EXOC3L4: variants seen among roughly 807,000 people sequenced by gnomAD.
EXOC3L4 encodes the protein exocyst complex component 3-like protein 4.
In EXOC3L4, 62 loss-of-function variants were observed where a neutral mutation model predicts 69.7. The ratio of observed to expected loss-of-function variants is 0.89; its 90% CI spans 0.72 to 1.10. The LOEUF is 1.10. EXOC3L4 is among the 50% of genes least tolerant of loss of function. The pLI, the probability that EXOC3L4 is intolerant of heterozygous loss-of-function variation, is 0.00. For missense variants in EXOC3L4, 1,087 were observed against 1,034.8 expected, an observed-to-expected ratio of 1.05 and a Z score of -0.69; for synonymous variants, 502 against 464.2, an observed-to-expected ratio of 1.08 and a Z score of -1.05.
In EXOC3L4 at chr14:103,100,631, A is replaced by G; in HGVS notation, c.394+18A>G. On this transcript the variant is annotated intron_variant, in intron 2 of 11. Transcript: ENST00000688303. ...CGAGGCAGGTAAGGGCCTCAGAAACAACACGAAGCATGAAAGGAAACGGGC... is the reference window on the plus strand; with the variant it reads ...CGAGGCAGGTAAGGGCCTCAGAAACGACACGAAGCATGAAAGGAAACGGGC... 6.3e-7 allele frequency: 1 copy of G among 1,587,924 alleles called. No homozygotes were observed. Among genetic ancestry groups the G allele is most frequent in the Non-Finnish European group, 8.6e-7 (1 of 1,163,482 alleles).
Position 103,102,853 on chromosome 14 carries a change from A to T in EXOC3L4, c.1049+81A>T, listed in dbSNP as rs997026781. ...CCTTGGGGAGCCGGCTTTGAGGAGC[A>T]CCGGACCTTTCTTCTCTGTTCCCTC... is the stretch of plus-strand genomic sequence containing the variant. On this transcript the variant is annotated intron_variant, in intron 3 of 11. Transcript: ENST00000688303. 1.4e-5 allele frequency: 17 copies of T among 1,250,336 alleles called. No homozygotes were observed. The Admixed American group carries it at 3.3e-4, about 24-fold the overall frequency. 77.5% of individuals were successfully genotyped at this position (1,250,336 alleles called of 1,614,324 possible).
Position 103,100,621 on chromosome 14 carries a change from C to A in EXOC3L4, c.394+8C>A. 6.3e-7 allele frequency: 1 copy of A among 1,595,750 alleles called. No homozygotes were observed. Among genetic ancestry groups the A allele is most frequent in the Admixed American group, 1.7e-5 (1 of 58,486 alleles). On this transcript the variant is annotated splice_region_variant and intron_variant, in intron 2 of 11. Transcript: ENST00000688303. ...AACTGAAACCCGAGGCAGGTAAGGG[C>A]CTCAGAAACAACACGAAGCATGAAA...
At chr14:103,103,765 G>A in intron 3 of EXOC3L4, 176 bp from the exon 4 acceptor site, 1 of 531,760 alleles carries the variant, frequency 1.9e-6, no homozygotes, top group African/African-American at 2.0e-5. Flanking sequence ...TCCCGGGAGG[G>A]GGTGTGGCAT....
At chr14:103,107,579 C>G (rs1345600466) in intron 9 of EXOC3L4, 36 bp downstream of exon 9, 1 of 1,612,062 alleles carries the variant, frequency 6.2e-7, no homozygotes, top group Non-Finnish European at 8.5e-7. Flanking sequence ...AGGGCTGTGC[C>G]CAGGATTGGG....
chr14:103,108,319 T>A (rs1299038475), intron 10 of EXOC3L4, 77 bp from the exon 11 acceptor site: 1 of 1,570,582 alleles, frequency 6.4e-7, no homozygotes, highest in Non-Finnish European at 8.6e-7. Flanking sequence ...GACCTCGCAC[T>A]GACCTCGCGC....
At chr14:103,106,948 C>T (rs184153033) in intron 8 of EXOC3L4, 49 bp downstream of exon 8, 1 of 1,414,590 alleles carries the variant, frequency 7.1e-7, no homozygotes, top group Admixed American at 2.4e-5. Context: ...CAGCAGGCAC[C>T]CCCTATTTCC....
intron 7 of EXOC3L4, among the ~76,000 whole-genome samples, chr14:103,106,535 A>C (rs1890558525): frequency 6.6e-6 from 1 of 152,096 alleles, no homozygotes; most frequent in South Asian, 2.1e-4. Flanking sequence ...TATCACCAAG[A>C]GGGATGGAAG....
Position 103,102,682 on chromosome 14 carries a change from T to TGGCCCAGCGCCTCCAG in EXOC3L4, c.961_976dup (p.Glu326GlyfsTer32). On this transcript the variant is annotated frameshift_variant, in exon 3 of 12. Transcript: ENST00000688303. LOFTEE classifies it high-confidence loss of function. ...TATCTGCGTGCCTTCCACAGCGCCG[T>TGGCCCAGCGCCTCCAG]GGCCCAGCGCCTCCAGGAGCTCGCG... 1 of 1,488,744 alleles carries TGGCCCAGCGCCTCCAG rather than the reference T, an allele frequency of 6.7e-7. No homozygotes were observed. The highest frequency in any genetic ancestry group is 1.7e-4 in the Middle Eastern group (1 of 5,732). 92.2% of individuals were successfully genotyped at this position (1,488,744 alleles called of 1,614,324 possible).
chr14:103,102,664 G>T lies in EXOC3L4; in HGVS notation c.941G>T (p.Arg314Leu), dbSNP rs919870195. The T allele has an allele frequency of 2.0e-6, 3 of 1,497,886 alleles. No individual in the cohort carries two copies. The highest frequency in any genetic ancestry group is 1.4e-5 in the African/African-American group (1 of 69,078). 92.8% of individuals were successfully genotyped at this position (1,497,886 alleles called of 1,614,324 possible). A position where few individuals can be genotyped will look rare whatever the true frequency, so the allele number is the denominator to read the frequency against. The change falls in exon 3 of 12, where the codon CGT (arginine) becomes CTT (leucine). Residue 314 changes from arginine (R) to leucine (L), a missense_variant. Transcript: ENST00000688303. ...TTCCCAGCGTGGGAGGTCTATCTGCGTGCCTTCCACAGCGCCGTGGCCCAG... is the reference window on the plus strand; with the variant it reads ...TTCCCAGCGTGGGAGGTCTATCTGCTTGCCTTCCACAGCGCCGTGGCCCAG... ...AGFPAWEVYLRAFHSAVAQRL... is the reference protein window; with the variant it reads ...AGFPAWEVYLLAFHSAVAQRL...
In EXOC3L4 at chr14:103,107,858, C is replaced by T. The variant is rs757794025; in HGVS notation, c.1854+75C>T. ...GTGGCAGTGACTAGGGCCTTAGCGC[C>T]GGGAGGGCTTTTGGCAGGAGTGGTT... On this transcript the variant is annotated intron_variant, in intron 10 of 11. Transcript: ENST00000688303. 191 of 1,432,672 alleles carry T rather than the reference C, an allele frequency of 1.3e-4. 1 individual carries two copies. Among genetic ancestry groups the T allele is most frequent in the Middle Eastern group, 5.0e-4 (2 of 4,016 alleles). 88.7% of individuals were successfully genotyped at this position (1,432,672 alleles called of 1,614,324 possible). A position where few individuals can be genotyped will look rare whatever the true frequency, so the allele number is the denominator to read the frequency against.
intron 2 of EXOC3L4, among the ~76,000 whole-genome samples, 168 bp from the exon 3 acceptor site, chr14:103,101,950 T>C (rs943427760): frequency 1.3e-5 from 2 of 152,252 alleles, no homozygotes; most frequent in African/African-American, 4.8e-5. Context: ...GGAGGGCTCC[T>C]GGCAGCTGGG....
chr14:103,102,622 C>T lies in EXOC3L4; in HGVS notation c.899C>T (p.Ala300Val). The change falls in exon 3 of 12, where the codon GCG becomes GTG. Residue 300 changes from alanine to valine, a missense_variant. Transcript: ENST00000688303. The part of the protein sequence containing the change: ...LQKVRQEVQP[A>V]YAAAGFPAWE... ...AAGGTGCGGCAGGAGGTGCAGCCCG[C>T]GTATGCGGCGGCCGGCTTCCCAGCG... is the stretch of plus-strand genomic sequence containing the variant. 1 of 1,498,860 alleles carries T rather than the reference C, an allele frequency of 6.7e-7. No homozygotes were observed. The highest frequency in any genetic ancestry group is 8.9e-7 in the Non-Finnish European group (1 of 1,129,258). The allele number at this position is 1,498,860 out of a possible 1,614,324, so 92.8% of individuals were successfully genotyped here.
chr14:103,107,563 C>T lies in EXOC3L4; in HGVS notation c.1701+20C>T. ...GCACAGGTACCACAAGGGGGAGGGC[C>T]CTGGCAGGGCTGTGCCCAGGATTGG... On this transcript the variant is annotated intron_variant, in intron 9 of 11. Transcript: ENST00000688303. 8.1e-6 allele frequency: 13 copies of T among 1,613,008 alleles called. No individual in the cohort carries two copies. The highest frequency in any genetic ancestry group is 1.0e-5 in the Non-Finnish European group (12 of 1,179,678).
intron 5 of EXOC3L4, 86 bp downstream of exon 5, chr14:103,104,475 A>C (rs1178942510): frequency 7.1e-7 from 1 of 1,412,466 alleles, no homozygotes; most frequent in Admixed American, 3.0e-5. Context: ...ATTCCTATCC[A>C]GTCCCAACCA....
Position 103,103,952 on chromosome 14 carries a change from T to C in EXOC3L4, c.1061T>C (p.Leu354Pro), listed in dbSNP as rs764968535. The stretch of plus-strand genomic sequence containing the variant: ...GCCCTGTCTTCCAGTCCTGACTTCC[T>C]GGGCGCCCCGGGGCTGGCGCTGCCC... Reference protein sequence around the residue: ...AANVYGSPDFLGAPGLALPAE... With the variant: ...AANVYGSPDFPGAPGLALPAE... Residue 354 changes from leucine to proline, a missense_variant, in exon 4 of 12, where the codon CTG becomes CCG. Coordinates refer to ENST00000688303, the MANE Select transcript of EXOC3L4 (RefSeq NM_001077594.2). 1.9e-6 allele frequency: 3 copies of C among 1,543,802 alleles called. No individual in the cohort carries two copies. Among genetic ancestry groups the C allele is most frequent in the Non-Finnish European group, 2.6e-6 (3 of 1,150,270 alleles).
chr14:103,104,297 T>C lies in EXOC3L4; in HGVS notation c.1192T>C (p.Leu398=). Reference sequence around the variant, plus strand: ...GATCGCAAGCTGCTTCGACAGCATCTTGCAGCTGGAGCAGAGTCACTGGGC... The same window carrying C: ...GATCGCAAGCTGCTTCGACAGCATCCTGCAGCTGGAGCAGAGTCACTGGGC... ...AKIASCFDSI[L]QLEQSHWAAA... is the part of the protein sequence containing the mutation. Residue 398 remains leucine, a synonymous_variant, in exon 5 of 12, where the codon TTG becomes CTG. Coordinates refer to ENST00000688303, the MANE Select transcript of EXOC3L4 (RefSeq NM_001077594.2). The C allele has an allele frequency of 6.3e-7, 1 of 1,596,648 alleles. No individual in the cohort carries two copies. Among genetic ancestry groups the C allele is most frequent in the Non-Finnish European group, 8.5e-7 (1 of 1,173,432 alleles).
At chr14:103,106,656 A>G (rs1336379557) in intron 7 of EXOC3L4, 129 bp from the exon 8 acceptor site, 2 of 594,202 alleles carry the variant, frequency 3.4e-6, no homozygotes, top group South Asian at 2.1e-5. Flanking sequence ...GCTCGCAGAC[A>G]GCTACAATGG....
At position 103,109,221 on chromosome 14, in the gene EXOC3L4, C is replaced by T. The variant is rs182178218; in HGVS notation, c.1976+704C>T. 8.4e-4 allele frequency among the ~76,000 whole-genome samples: 61 copies of T among 72,424 alleles called. 2 individuals are homozygous for T. Among genetic ancestry groups the T allele is most frequent in the African/African-American group, 3.3e-3 (52 of 15,908 alleles). 47.5% of individuals were successfully genotyped at this position (72,424 alleles called of 152,430 possible). ...CCCTGTCCCCATGTCTCCCTCCCTC[C>T]CTCCCTCTCCACCCTGTCCCCGTGT... On this transcript the variant is annotated intron_variant, in intron 11 of 11. Transcript: ENST00000688303.
chr14:103,096,606 C>G (rs1172293148), intron 1 of EXOC3L4, among the ~76,000 whole-genome samples: 2 of 152,160 alleles, frequency 1.3e-5, no homozygotes, highest in Non-Finnish European at 2.9e-5. Context: ...TCTGTGAGCT[C>G]TCTTTAATAC....
Sources: gnomAD v4.1 joint callset for allele counts (sites outside exome capture counted in the v4.1 genomes callset) on GRCh38, gnomAD v4.1.1 for gene constraint, MANE v1.5 for transcripts, NCBI Gene and HGNC (gene_info 2026-07-23, HGNC 2026-07-21) for gene names.